Variants in UGT1A8 observed in about 807,000 individuals in gnomAD.
UGT1A8 encodes UDP glucuronosyltransferase family 1 member A8.
Under a neutral mutation model 45.3 loss-of-function variants are expected in UGT1A8, and 39 were observed. That is an observed-to-expected ratio of 0.86 (90% CI 0.67 to 1.12). UGT1A8 has a LOEUF of 1.12. UGT1A8 is among the 50% of genes most tolerant of loss of function. The pLI, the probability that UGT1A8 is intolerant of heterozygous loss-of-function variation, is 0.00. For synonymous variants in UGT1A8, 275 were observed against 249.2 expected (o/e 1.10, Z -0.97); for missense variants, 719 against 664.9 (o/e 1.08, Z -0.90).
At chr2:233,736,939 G>A (rs2078828567) in intron 1 of UGT1A8, among the ~76,000 whole-genome samples, 1 of 152,164 alleles carries the variant, frequency 6.6e-6, no homozygotes. Context: ...CCACCTATAT[G>A]AGGTGTCTGT....
At chr2:233,653,350 A>C (rs186454430) in intron 1 of UGT1A8, among the ~76,000 whole-genome samples, 19 of 152,344 alleles carry the variant, frequency 1.2e-4, no homozygotes, top group African/African-American at 4.1e-4. Flanking sequence ...CAGGTGTACT[A>C]ATGACCTTCA....
At chr2:233,676,501 TAA>T (rs1190598583) in intron 1 of UGT1A8, among the ~76,000 whole-genome samples, 1 of 152,242 alleles carries the variant, frequency 6.6e-6, no homozygotes, top group Non-Finnish European at 1.5e-5. Context: ...AGCTAAAAGC[TAA>T]AGTCTGTTTC....
At chr2:233,637,800 A>T (rs2073341014) in intron 1 of UGT1A8, among the ~76,000 whole-genome samples, 1 of 152,210 alleles carries the variant, frequency 6.6e-6, no homozygotes, top group Non-Finnish European at 1.5e-5. Flanking sequence ...TAGTAAAAAT[A>T]AAATCTAGTA....
intron 1 of UGT1A8, chr2:233,754,324 G>A (rs1695452897): frequency 4.1e-6 from 1 of 246,506 alleles, no homozygotes; most frequent in South Asian, 5.3e-5. Context: ...TCTGCCTCAG[G>A]CTTAAGTTTA....
chr2:233,752,593 T>C (rs896301003), intron 1 of UGT1A8: 3 of 152,046 alleles, frequency 2.0e-5, no homozygotes, highest in African/African-American at 7.2e-5. Flanking sequence ...CTCTACAAGA[T>C]TTTTTTTAAA....
intron 1 of UGT1A8, among the ~76,000 whole-genome samples, chr2:233,738,330 C>T (rs1690764718): frequency 6.6e-6 from 1 of 152,132 alleles, no homozygotes; most frequent in Admixed American, 6.5e-5. Context: ...TGGACTAATA[C>T]AGTAAATTGG....
intron 1 of UGT1A8, chr2:233,721,885 A>G: frequency 2.0e-6 from 1 of 488,602 alleles, no homozygotes; most frequent in South Asian, 1.5e-5. Context: ...CAGCCCCTCC[A>G]TTGCAATATC....
In UGT1A8 at chr2:233,672,598, C is replaced by T. The variant is rs762262088; in HGVS notation, c.855+54036C>T. On this transcript the variant is annotated intron_variant, in intron 1 of 4. Coordinates refer to ENST00000373450, the MANE Select transcript of UGT1A8 (RefSeq NM_019076.5). ...CTTGGAGGAACATTTATTATGCCAC[C>T]GTTTTTTCAAAAATGCCCTAGAAAT... 24 of 1,613,836 alleles carry T rather than the reference C, an allele frequency of 1.5e-5. No homozygotes were observed. The highest frequency in any genetic ancestry group is 1.2e-4 in the South Asian group (11 of 91,064).
intron 1 of UGT1A8, chr2:233,719,692 G>A (rs1410497957): frequency 3.1e-6 from 5 of 1,614,032 alleles, no homozygotes; most frequent in Admixed American, 3.3e-5. Flanking sequence ...TCTCAGGTCT[G>A]TATTGGTGCC....
chr2:233,772,778 T>C lies in UGT1A8; in HGVS notation c.*219T>C. The C allele has an allele frequency of 5.4e-6, 7 of 1,295,644 alleles. No individual in the cohort carries two copies. The highest frequency in any genetic ancestry group is 7.1e-6 in the Non-Finnish European group (7 of 982,368). The allele number at this position is 1,295,644 out of a possible 1,614,324, so 80.3% of individuals were successfully genotyped here. On this transcript the variant is annotated 3_prime_UTR_variant, in exon 5 of 5. Coordinates refer to ENST00000373450, the MANE Select transcript of UGT1A8 (RefSeq NM_019076.5). Reference sequence around the variant, plus strand: ...ATGTATCGTGCCCCCTCTGGTGTCTTTGATCAGGATGACATGTGCCATTTT... The same window carrying C: ...ATGTATCGTGCCCCCTCTGGTGTCTCTGATCAGGATGACATGTGCCATTTT...
chr2:233,644,260 T>C (rs1223856708), intron 1 of UGT1A8, among the ~76,000 whole-genome samples: 1 of 152,192 alleles, frequency 6.6e-6, no homozygotes, highest in African/African-American at 2.4e-5. Flanking sequence ...TCCCTCAGCC[T>C]AGGGCTGGTT....
chr2:233,750,062 A>G (rs140494674), intron 1 of UGT1A8, among the ~76,000 whole-genome samples: 5,134 of 151,936 alleles, frequency 0.034, 160 homozygotes, highest in African/African-American at 0.052. Flanking sequence ...TGACTTTGGA[A>G]CTGGGTAACA....
chr2:233,626,435 C>G (rs763954590), intron 1 of UGT1A8, among the ~76,000 whole-genome samples: 5 of 151,966 alleles, frequency 3.3e-5, no homozygotes, highest in Non-Finnish European at 7.4e-5. Flanking sequence ...TGAATTTCTC[C>G]AAGATTCATA....
At chr2:233,698,008 G>C (rs556681308) in intron 1 of UGT1A8, among the ~76,000 whole-genome samples, 1 of 152,200 alleles carries the variant, frequency 6.6e-6, no homozygotes, top group South Asian at 2.1e-4. Flanking sequence ...TATCATTTCT[G>C]CACATTGGTA....
chr2:233,762,045 A>C (rs187851388), intron 1 of UGT1A8, among the ~76,000 whole-genome samples: 1 of 151,840 alleles, frequency 6.6e-6, no homozygotes, highest in African/African-American at 2.4e-5. Flanking sequence ...TTTTCTGTGC[A>C]TTTTCCTTCA....
At chr2:233,660,724 A>T (rs1319168575) in intron 1 of UGT1A8, among the ~76,000 whole-genome samples, 1 of 152,132 alleles carries the variant, frequency 6.6e-6, no homozygotes, top group African/African-American at 2.4e-5. Context: ...TTCCTTACTT[A>T]TAAATGTCTT....
At chr2:233,624,985 C>A (rs558665941) in intron 1 of UGT1A8, among the ~76,000 whole-genome samples, 54 of 152,018 alleles carry the variant, frequency 3.6e-4, no homozygotes, top group Admixed American at 6.6e-4. Flanking sequence ...AGGGGACCAA[C>A]CCGTGTGAAG....
At chr2:233,638,007 A>G (rs1288008825) in intron 1 of UGT1A8, among the ~76,000 whole-genome samples, 4 of 152,144 alleles carry the variant, frequency 2.6e-5, no homozygotes, top group African/African-American at 9.7e-5. Flanking sequence ...TCCTTTTGTG[A>G]ATAAGGCTGT....
At chr2:233,619,647 A>T in intron 1 of UGT1A8, among the ~76,000 whole-genome samples, 1 of 152,142 alleles carries the variant, frequency 6.6e-6, no homozygotes, top group Admixed American at 6.5e-5. Flanking sequence ...TTGGCATTTT[A>T]TGATTTTTGA....
Sources: gnomAD v4.1 joint callset for allele counts (sites outside exome capture counted in the v4.1 genomes callset) on GRCh38, gnomAD v4.1.1 for gene constraint, MANE v1.5 for transcripts, NCBI Gene and HGNC (gene_info 2026-07-23, HGNC 2026-07-21) for gene names.